PCED1B: variants seen among roughly 807,000 people sequenced by gnomAD.
The protein encoded by PCED1B is PC-esterase domain-containing protein 1B.
For synonymous variants in PCED1B, 251 were observed against 246.1 expected (o/e 1.02, Z -0.19); for missense variants, 573 against 573.9 (o/e 1.00, Z 0.02).
intron 2 of PCED1B, among the ~76,000 whole-genome samples, chr12:47,134,840 C>A (rs1777457926): frequency 6.6e-6 from 1 of 152,194 alleles, no homozygotes; most frequent in African/African-American, 2.4e-5. Flanking sequence ...TGCACTACAG[C>A]CTGGTGACAG....
intron 2 of PCED1B, among the ~76,000 whole-genome samples, chr12:47,141,048 G>T (rs1940571646): frequency 6.6e-6 from 1 of 152,188 alleles, no homozygotes; most frequent in African/African-American, 2.4e-5. Context: ...GGATGAGACT[G>T]TATAATGGTT....
At chr12:47,086,844 A>T (rs1282806966) in intron 1 of PCED1B, among the ~76,000 whole-genome samples, 2 of 152,240 alleles carry the variant, frequency 1.3e-5, no homozygotes, top group African/African-American at 4.8e-5. Context: ...TATATGAAGC[A>T]TTCAGAGTCC....
Position 47,236,506 on chromosome 12 carries a change from C to G in PCED1B, c.*144C>G. ...GTCTTCCTTTTGTTCATTGCTGTTA[C>G]CAAGAAAGCCAAGGAAGAGCAGCCT... On this transcript the variant is annotated 3_prime_UTR_variant, in exon 4 of 4. Coordinates refer to ENST00000546455, the MANE Select transcript of PCED1B (RefSeq NM_138371.3). The G allele has an allele frequency of 1.2e-6, 1 of 839,084 alleles. No individual in the cohort carries two copies. The highest frequency in any genetic ancestry group is 1.7e-5 in the African/African-American group (1 of 57,822). 52.0% of individuals were successfully genotyped at this position (839,084 alleles called of 1,614,324 possible). A position where few individuals can be genotyped will look rare whatever the true frequency, so the allele number is the denominator to read the frequency against.
At chr12:47,083,356 C>T (rs1005083553) in intron 1 of PCED1B, among the ~76,000 whole-genome samples, 1 of 152,058 alleles carries the variant, frequency 6.6e-6, no homozygotes, top group African/African-American at 2.4e-5. Context: ...GCGTGAGGCA[C>T]ACTGGGTGTT....
At chr12:47,103,377 TACGGGAAAGATGCGC>T (rs1938802013) in intron 1 of PCED1B, among the ~76,000 whole-genome samples, 2 of 152,164 alleles carry the variant, frequency 1.3e-5, no homozygotes, top group African/African-American at 2.4e-5. Context: ...CATTAAATGT[TACGGGAAAGATGCGC>T]ACTGCAGCAG....
intron 2 of PCED1B, among the ~76,000 whole-genome samples, chr12:47,206,858 T>C (rs1248711513): frequency 1.3e-5 from 2 of 152,346 alleles, no homozygotes; most frequent in Non-Finnish European, 2.9e-5. Context: ...GTTTCTACCT[T>C]CCACTCTGTG....
At chr12:47,130,266 A>G (rs1338347384) in intron 2 of PCED1B, among the ~76,000 whole-genome samples, 1 of 152,238 alleles carries the variant, frequency 6.6e-6, no homozygotes, top group Non-Finnish European at 1.5e-5. Flanking sequence ...TAAAACAAAA[A>G]AAGGGTAGGG....
intron 3 of PCED1B, among the ~76,000 whole-genome samples, chr12:47,219,049 GA>G (rs1447394144): frequency 1.3e-5 from 2 of 152,058 alleles, no homozygotes; most frequent in Non-Finnish European, 2.9e-5. Flanking sequence ...ACTGAGGCAG[GA>G]GAATCACTTT....
intron 3 of PCED1B, among the ~76,000 whole-genome samples, chr12:47,218,669 C>CT (rs59140565): frequency 0.014 from 1,811 of 128,380 alleles, 29 homozygotes; most frequent in Admixed American, 0.054. Flanking sequence ...AATTTTTTTT[C>CT]TTTTTTTTTT....
chr12:47,164,577 A>G (rs913880270), intron 2 of PCED1B, among the ~76,000 whole-genome samples: 2 of 152,190 alleles, frequency 1.3e-5, no homozygotes, highest in Admixed American at 1.3e-4. Flanking sequence ...TAAGTGTTTC[A>G]CACTGCCAGT....
intron 1 of PCED1B, among the ~76,000 whole-genome samples, chr12:47,091,386 T>C (rs892237096): frequency 6.6e-6 from 1 of 152,208 alleles, no homozygotes; most frequent in African/African-American, 2.4e-5. Flanking sequence ...CTTTTTCTTA[T>C]TGACTTGCAG....
At chr12:47,147,585 G>T (rs1385468113) in intron 2 of PCED1B, among the ~76,000 whole-genome samples, 2 of 151,272 alleles carry the variant, frequency 1.3e-5, no homozygotes, top group Non-Finnish European at 2.9e-5. Context: ...ATTTCTATTT[G>T]TCTATCCATA....
intron 2 of PCED1B, among the ~76,000 whole-genome samples, chr12:47,137,335 G>A (rs1352217019): frequency 6.6e-6 from 1 of 152,158 alleles, no homozygotes; most frequent in East Asian, 1.9e-4. Flanking sequence ...TGTGATTAGA[G>A]TGGAATCATC....
rs765890109 is a variant in PCED1B at position 47,148,091 on chromosome 12, G to A, written c.-526+43896G>A. Reference sequence around the variant, plus strand: ...GTGAAAGCCTTCATGCTATGCCATCGCATGGTGGAAGGCAGAAGAGCAAAT... The same window carrying A: ...GTGAAAGCCTTCATGCTATGCCATCACATGGTGGAAGGCAGAAGAGCAAAT... On this transcript the variant is annotated intron_variant, in intron 2 of 3. Transcript: ENST00000546455. 2.0e-4 allele frequency among the ~76,000 whole-genome samples: 30 copies of A among 152,230 alleles called. 1 individual carries two copies. The highest frequency in any genetic ancestry group is 3.4e-3 in the Middle Eastern group (1 of 294).
rs1044302465 is a variant in PCED1B, at chr12:47,235,351, C to T, written c.288C>T (p.Arg96=). Residue 96 remains arginine, a synonymous_variant, in exon 4 of 4, where the codon CGC becomes CGT. Transcript: ENST00000546455. ...TGGTACGTTTTTACTTCCTCACCCG[C>T]GTGTACTCCGATTACCTCCAGACCA... ...HHLVRFYFLT[R]VYSDYLQTIL... is the part of the protein sequence containing the mutation. 5.0e-6 allele frequency: 8 copies of T among 1,614,040 alleles called. No homozygotes were observed. The highest frequency in any genetic ancestry group is 3.3e-5 in the Admixed American group (2 of 60,012).
At chr12:47,123,091 A>G (rs1370469404) in intron 2 of PCED1B, among the ~76,000 whole-genome samples, 1 of 152,224 alleles carries the variant, frequency 6.6e-6, no homozygotes, top group African/African-American at 2.4e-5. Context: ...CCTACTTTCT[A>G]GCATAATTAC....
Position 47,236,411 on chromosome 12 carries a change from T to C in PCED1B, c.*49T>C. 3 of 1,454,798 alleles carry C rather than the reference T, an allele frequency of 2.1e-6. No homozygotes were observed. The highest frequency in any genetic ancestry group is 2.7e-6 in the Non-Finnish European group (3 of 1,095,852). 90.1% of individuals were successfully genotyped at this position (1,454,798 alleles called of 1,614,324 possible). Reference sequence around the variant, plus strand: ...TTTATGAACATGGATTGGACAGATCTGACACTTCCTTTCCATTGCTTGGCC... The same window carrying C: ...TTTATGAACATGGATTGGACAGATCCGACACTTCCTTTCCATTGCTTGGCC... On this transcript the variant is annotated 3_prime_UTR_variant, in exon 4 of 4. Transcript: ENST00000546455.
At chr12:47,179,186 T>G (rs2137592916) in intron 2 of PCED1B, among the ~76,000 whole-genome samples, 1 of 152,334 alleles carries the variant, frequency 6.6e-6, no homozygotes, top group African/African-American at 2.4e-5. Context: ...TCTCTGCTTC[T>G]GATCTTCTAC....
At chr12:47,142,562 AAT>A (rs1940633678) in intron 2 of PCED1B, among the ~76,000 whole-genome samples, 1 of 152,184 alleles carries the variant, frequency 6.6e-6, no homozygotes, top group African/African-American at 2.4e-5. Flanking sequence ...AACACAAACA[AAT>A]GCAATCATGG....
Sources: allele counts gnomAD v4.1 joint callset (sites outside exome capture counted in the v4.1 genomes callset), GRCh38; gene constraint gnomAD v4.1.1; transcripts MANE v1.5; gene names NCBI Gene and HGNC (gene_info 2026-07-23, HGNC 2026-07-21).